The following TNS3 variants were observed in gnomAD, a reference collection of about 807,000 sequenced individuals.
TNS3 encodes tensin-3.
TNS3 carries 45 observed loss-of-function variants against 140.9 expected under a neutral mutation model. The ratio of observed to expected loss-of-function variants is 0.32; its 90% CI spans 0.25 to 0.41. TNS3 has a LOEUF of 0.41. Among genes scored for constraint, TNS3 ranks in the 10% least tolerant of loss-of-function variants. The probability of loss-of-function intolerance (pLI) is 1.00; values close to 1 mark genes in which losing one functional copy is unlikely to be tolerated. For missense variants in TNS3, 1,716 were observed against 1,906.7 expected, an observed-to-expected ratio of 0.90 and a Z score of 1.86; for synonymous variants, 815 against 788.4, an observed-to-expected ratio of 1.03 and a Z score of -0.56.
At chr7:47,444,110 T>G (rs1795603792) in intron 4 of TNS3, among the ~76,000 whole-genome samples, 1 of 152,176 alleles carries the variant, frequency 6.6e-6, no homozygotes, top group Non-Finnish European at 1.5e-5. Context: ...GCCAATCTCA[T>G]TATGGGGAAA....
At chr7:47,340,125 T>A (rs1480546301) in intron 20 of TNS3, among the ~76,000 whole-genome samples, 96 of 93,518 alleles carry the variant, frequency 1.0e-3, no homozygotes, top group African/African-American at 3.0e-3. Context: ...ATTTTTTTTT[T>A]TTTTTTTTTT....
intron 27 of TNS3, among the ~76,000 whole-genome samples, chr7:47,285,211 A>G (rs1785351822): frequency 6.6e-6 from 1 of 152,060 alleles, no homozygotes; most frequent in Admixed American, 6.6e-5. Flanking sequence ...CTTTCTATCC[A>G]CCGCAAAGGC....
chr7:47,410,585 T>C (rs1793713042), intron 13 of TNS3, among the ~76,000 whole-genome samples: 1 of 152,226 alleles, frequency 6.6e-6, no homozygotes, highest in African/African-American at 2.4e-5. Context: ...CTCGCTGATT[T>C]GATTTTTGTA....
At chr7:47,489,520 TG>T (rs1355320975) in intron 3 of TNS3, among the ~76,000 whole-genome samples, 1 of 152,234 alleles carries the variant, frequency 6.6e-6, no homozygotes, top group Non-Finnish European at 1.5e-5. Context: ...ACTTAGGCTG[TG>T]TAGCTGTTTA....
intron 20 of TNS3, among the ~76,000 whole-genome samples, chr7:47,339,736 T>C (rs2150963978): frequency 6.6e-6 from 1 of 152,206 alleles, no homozygotes; most frequent in Admixed American, 6.5e-5. Context: ...CTTGCTGAGA[T>C]TTTGATAGGA....
chr7:47,520,105 T>TTCA (rs1798919436), intron 2 of TNS3, among the ~76,000 whole-genome samples: 1 of 151,878 alleles, frequency 6.6e-6, no homozygotes, highest in African/African-American at 2.4e-5. Context: ...GATTACAGGC[T>TTCA]TCAGCCACCA....
intron 4 of TNS3, among the ~76,000 whole-genome samples, chr7:47,474,380 C>T (rs1324865022): frequency 6.7e-6 from 1 of 149,658 alleles, no homozygotes; most frequent in African/African-American, 2.5e-5. Context: ...ACACACAACA[C>T]AACACATACA....
At chr7:47,551,994 C>T (rs942996649) in intron 1 of TNS3, among the ~76,000 whole-genome samples, 5 of 146,290 alleles carry the variant, frequency 3.4e-5, no homozygotes, top group African/African-American at 1.1e-4. Context: ...AGTGCTTTTA[C>T]AAGGAAAATG....
intron 3 of TNS3, among the ~76,000 whole-genome samples, chr7:47,500,146 G>A (rs1319603665): frequency 6.6e-6 from 1 of 152,112 alleles, no homozygotes; most frequent in South Asian, 2.1e-4. Flanking sequence ...GCAATCATCT[G>A]GCAGAATCAG....
intron 27 of TNS3, among the ~76,000 whole-genome samples, chr7:47,284,765 C>T (rs550435626): frequency 3.3e-4 from 51 of 152,302 alleles, no homozygotes; most frequent in African/African-American, 1.1e-3. Context: ...GTCTTAATTC[C>T]GTGGTTAAAG....
At chr7:47,281,875 G>A (rs561466644) in intron 28 of TNS3, among the ~76,000 whole-genome samples, 4 of 151,826 alleles carry the variant, frequency 2.6e-5, no homozygotes, top group South Asian at 2.1e-4. Context: ...CTACCATGTC[G>A]CCAAGCTATG....
intron 20 of TNS3, among the ~76,000 whole-genome samples, chr7:47,308,449 T>C (rs952459063): frequency 2.0e-5 from 3 of 152,210 alleles, no homozygotes; most frequent in Non-Finnish European, 2.9e-5. Flanking sequence ...TCCTCATTAG[T>C]TTTGTTTTGC....
intron 5 of TNS3, 33 bp from the exon 6 acceptor site, chr7:47,439,691 G>T (rs926898369): frequency 6.2e-7 from 1 of 1,607,314 alleles, no homozygotes; most frequent in Non-Finnish European, 8.5e-7. Flanking sequence ...TCAGAAACAG[G>T]GTAAGGAGGC....
intron 20 of TNS3, among the ~76,000 whole-genome samples, chr7:47,331,711 ATAAG>A (rs1222765468): frequency 6.6e-6 from 1 of 152,234 alleles, no homozygotes. Flanking sequence ...GTGTGCATAT[ATAAG>A]TGCATGGCCT....
At chr7:47,378,240 C>T (rs539422553) in intron 16 of TNS3, among the ~76,000 whole-genome samples, 2 of 152,300 alleles carry the variant, frequency 1.3e-5, no homozygotes, top group South Asian at 4.1e-4. Flanking sequence ...CATGTGTGGA[C>T]CCTCTGGGTG....
intron 2 of TNS3, among the ~76,000 whole-genome samples, chr7:47,524,808 C>CAAAAAAAAAAAAAAAA (rs1354544006): frequency 4.0e-5 from 1 of 25,266 alleles, no homozygotes; most frequent in African/African-American, 8.7e-5. Flanking sequence ...GACTCCGTCT[C>CAAAAAAAAAAAAAAAA]AAGAAAAAAA....
At chr7:47,401,353 G>A (rs1409171118) in intron 13 of TNS3, among the ~76,000 whole-genome samples, 1 of 152,190 alleles carries the variant, frequency 6.6e-6, no homozygotes, top group Non-Finnish European at 1.5e-5. Context: ...AATGCTCCAT[G>A]TTGCAACTTA....
At chr7:47,552,653 T>TA (rs1364187145) in intron 1 of TNS3, among the ~76,000 whole-genome samples, 3 of 152,204 alleles carry the variant, frequency 2.0e-5, no homozygotes, top group African/African-American at 7.2e-5. Context: ...ACTCAATGGA[T>TA]AAACGTTCTG....
chr7:47,576,237 G>A (rs933531626), intron 1 of TNS3, among the ~76,000 whole-genome samples: 1 of 152,186 alleles, frequency 6.6e-6, no homozygotes, highest in Non-Finnish European at 1.5e-5. Flanking sequence ...GGCCCCTGGG[G>A]CCATGGAAAT....
Sources: gnomAD v4.1 joint callset for allele counts (sites outside exome capture counted in the v4.1 genomes callset) on GRCh38, gnomAD v4.1.1 for gene constraint, MANE v1.5 for transcripts, NCBI Gene and HGNC (gene_info 2026-07-23, HGNC 2026-07-21) for gene names.